The following C8orf34 variants were observed in gnomAD, a reference collection of about 807,000 sequenced individuals.
C8orf34 encodes the protein uncharacterized protein C8orf34.
Under a neutral mutation model 68.3 loss-of-function variants are expected in C8orf34, and 65 were observed. The ratio of observed to expected loss-of-function variants is 0.95; its 90% CI spans 0.78 to 1.17. The LOEUF (loss-of-function observed/expected upper bound fraction) is 1.17. Among genes scored for constraint, C8orf34 ranks in the 50% most tolerant of loss-of-function variants. C8orf34 has a pLI of 0.00. For missense variants in C8orf34, 664 were observed against 655.4 expected, an observed-to-expected ratio of 1.01 and a Z score of -0.14; for synonymous variants, 244 against 241.2, an observed-to-expected ratio of 1.01 and a Z score of -0.11.
intron 5 of C8orf34, among the ~76,000 whole-genome samples, chr8:68,521,288 A>G (rs1215023938): frequency 6.6e-6 from 1 of 152,220 alleles, no homozygotes; most frequent in African/African-American, 2.4e-5. Context: ...GAATTAGCAT[A>G]ACATATCTGC....
intron 4 of C8orf34, among the ~76,000 whole-genome samples, chr8:68,485,374 C>G (rs1813029235): frequency 1.3e-5 from 2 of 151,934 alleles, no homozygotes; most frequent in African/African-American, 4.8e-5. Flanking sequence ...AATGAGAAAA[C>G]TCGTTTTGTA....
chr8:68,666,825 T>G (rs1819857554), intron 8 of C8orf34, among the ~76,000 whole-genome samples: 1 of 152,216 alleles, frequency 6.6e-6, no homozygotes, highest in South Asian at 2.1e-4. Flanking sequence ...ACAAGTGCCC[T>G]TTTAAAGTTT....
At chr8:68,381,410 C>A (rs190221189) in intron 1 of C8orf34, among the ~76,000 whole-genome samples, 34 of 152,304 alleles carry the variant, frequency 2.2e-4, no homozygotes, top group African/African-American at 8.2e-4. Context: ...CCACTTGTAT[C>A]TAATGTTTAC....
At chr8:68,521,265 A>G (rs1178892757) in intron 5 of C8orf34, among the ~76,000 whole-genome samples, 1 of 152,250 alleles carries the variant, frequency 6.6e-6, no homozygotes, top group Non-Finnish European at 1.5e-5. Context: ...AAAACAGATT[A>G]CTAACATTTG....
intron 9 of C8orf34, among the ~76,000 whole-genome samples, chr8:68,714,506 C>T (rs964898593): frequency 5.9e-5 from 9 of 151,984 alleles, no homozygotes; most frequent in East Asian, 1.9e-4. Context: ...ACAATCAAAT[C>T]GAGAACTCAA....
At chr8:68,612,495 A>C (rs750762449) in intron 7 of C8orf34, among the ~76,000 whole-genome samples, 12 of 133,908 alleles carry the variant, frequency 9.0e-5, no homozygotes, top group Non-Finnish European at 1.8e-4. Context: ...CCGGCTCAAG[A>C]AAAACCTTTT....
chr8:68,577,501 A>G (rs1420717827), intron 7 of C8orf34, among the ~76,000 whole-genome samples: 1 of 152,008 alleles, frequency 6.6e-6, no homozygotes, highest in African/African-American at 2.4e-5. Flanking sequence ...ATTTGAAATT[A>G]CATGTTACAG....
intron 1 of C8orf34, among the ~76,000 whole-genome samples, chr8:68,401,123 T>A (rs1808935236): frequency 6.6e-6 from 1 of 151,706 alleles, no homozygotes; most frequent in South Asian, 2.1e-4. Flanking sequence ...TAGTTTTTTT[T>A]TTTTTTTGTA....
chr8:68,736,520 G>C (rs1480855105), intron 10 of C8orf34, among the ~76,000 whole-genome samples: 1 of 152,012 alleles, frequency 6.6e-6, no homozygotes, highest in East Asian at 1.9e-4. Context: ...TGTTTGATAT[G>C]AGTTCAGAGA....
At chr8:68,776,259 C>T (rs1823514363) in intron 10 of C8orf34, 140 bp from the exon 11 acceptor site, 1 of 650,446 alleles carries the variant, frequency 1.5e-6, no homozygotes, top group Non-Finnish European at 2.7e-6. Flanking sequence ...GGCAAACTAA[C>T]AATCCCACAA....
intron 7 of C8orf34, among the ~76,000 whole-genome samples, chr8:68,562,583 C>G (rs182957864): frequency 6.6e-6 from 1 of 152,088 alleles, no homozygotes; most frequent in South Asian, 2.1e-4. Flanking sequence ...GAAAATGCAG[C>G]CTGATTTGTC....
rs1805552176 is a variant in C8orf34 at position 68,331,030 on chromosome 8, C to T, written c.18C>T (p.Ala6=). The change falls in exon 1 of 14, where the codon GCC becomes GCT. Residue 6 remains alanine, a synonymous_variant. Coordinates refer to ENST00000518698, the MANE Select transcript of C8orf34 (RefSeq NM_052958.4). MSSPL[A]SELSELAALR... is the part of the protein sequence containing the mutation. ...CGCGATGAATGAGTTCTCCCCTCGC[C>T]TCGGAGTTGTCTGAGTTGGCGGCGC... is the stretch of plus-strand genomic sequence containing the variant. 6.9e-7 allele frequency: 1 copy of T among 1,459,508 alleles called. No individual in the cohort carries two copies. Among genetic ancestry groups the T allele is most frequent in the Non-Finnish European group, 8.9e-7 (1 of 1,118,758 alleles). The allele number at this position is 1,459,508 out of a possible 1,614,324, so 90.4% of individuals were successfully genotyped here. A position where few individuals can be genotyped will look rare whatever the true frequency, so the allele number is the denominator to read the frequency against.
rs567154416 is a variant in C8orf34 at position 68,741,161 on chromosome 8, G to A, written c.1404+19724G>A. ...AGCTGGATGACGAAATAACGTGTTC[G>A]ACAAACCCCTGTGACACAAGTTTAC... On this transcript the variant is annotated intron_variant, in intron 10 of 13. Transcript: ENST00000518698. 7.2e-5 allele frequency among the ~76,000 whole-genome samples: 11 copies of A among 152,044 alleles called. No homozygotes were observed. The South Asian group carries it at 8.3e-4, about 11-fold the overall frequency.
chr8:68,617,028 T>G (rs1818241820), intron 7 of C8orf34, among the ~76,000 whole-genome samples: 1 of 152,220 alleles, frequency 6.6e-6, no homozygotes, highest in South Asian at 2.1e-4. Context: ...AATTGATCTC[T>G]TTACCATTAT....
intron 3 of C8orf34, among the ~76,000 whole-genome samples, chr8:68,448,417 TC>T (rs757902531): frequency 1.4e-4 from 22 of 152,222 alleles, no homozygotes; most frequent in Non-Finnish European, 2.2e-4. Context: ...TTAGGGTTAT[TC>T]TTTGGAAATA....
At chr8:68,557,382 C>T (rs1486746007) in intron 7 of C8orf34, among the ~76,000 whole-genome samples, 1 of 152,140 alleles carries the variant, frequency 6.6e-6, no homozygotes, top group Non-Finnish European at 1.5e-5. Context: ...AAAAGCTTAA[C>T]AAAACTGTTT....
chr8:68,407,385 A>G (rs575151654), intron 1 of C8orf34, among the ~76,000 whole-genome samples: 54 of 152,256 alleles, frequency 3.5e-4, no homozygotes, highest in Admixed American at 7.9e-4. Flanking sequence ...CCTGCTCCCT[A>G]CAGGCTAAGA....
At chr8:68,745,934 T>C (rs1230662934) in intron 10 of C8orf34, among the ~76,000 whole-genome samples, 1 of 152,110 alleles carries the variant, frequency 6.6e-6, no homozygotes, top group African/African-American at 2.4e-5. Flanking sequence ...GAATATACAT[T>C]TTTTTCAGCA....
chr8:68,370,448 C>T (rs1405753184), intron 1 of C8orf34, among the ~76,000 whole-genome samples: 1 of 152,146 alleles, frequency 6.6e-6, no homozygotes, highest in Admixed American at 6.5e-5. Context: ...TACTGCCCTC[C>T]CTGGTCTTCA....
Sources: allele counts gnomAD v4.1 joint callset (sites outside exome capture counted in the v4.1 genomes callset), GRCh38; gene constraint gnomAD v4.1.1; transcripts MANE v1.5; gene names NCBI Gene and HGNC (gene_info 2026-07-23, HGNC 2026-07-21).